Variants in SIX6 observed in about 807,000 individuals in gnomAD.
SIX6 encodes SIX homeobox 6.
A neutral mutation model predicts 23.6 loss-of-function variants in SIX6; 14 were observed. The observed-to-expected ratio is 0.59, with a 90% CI of 0.39 to 0.93. The LOEUF (loss-of-function observed/expected upper bound fraction) is 0.93. Ranked by LOEUF, SIX6 falls within the 40% of genes least tolerant of loss-of-function variation. The pLI, the probability that SIX6 is intolerant of heterozygous loss-of-function variation, is 0.00. For missense variants in SIX6, 307 were observed against 325.6 expected (o/e 0.94, Z 0.44); for synonymous variants, 128 against 144.9 (o/e 0.88, Z 0.84).
chr14:60,510,330 A>G (rs1013605806), intron 1 of SIX6, among the ~76,000 whole-genome samples: 1 of 152,360 alleles, frequency 6.6e-6, no homozygotes, highest in East Asian at 1.9e-4. Context: ...GGCTCCTACT[A>G]TTAATCGAAG....
In SIX6 at chr14:60,509,558, C is replaced by T; in HGVS notation, c.160C>T (p.Leu54=). 1 of 1,611,626 alleles carries T rather than the reference C, an allele frequency of 6.2e-7. No individual in the cohort carries two copies. Residue 54 remains leucine, a synonymous_variant, in exon 1 of 2, where the codon CTA becomes TTA. Coordinates refer to ENST00000327720, the MANE Select transcript of SIX6 (RefSeq NM_007374.3). ...GGCCCTCAACAAGAATGAGTCGGTG[C>T]TACGCGCACGAGCCATCGTGGCCTT... The part of the protein sequence containing the change: ...CEALNKNESV[L]RARAIVAFHG...
chr14:60,511,136 G>A lies in SIX6; in HGVS notation c.625G>A (p.Gly209Ser), dbSNP rs897409621. Residue 209 changes from glycine to serine, a missense_variant, in exon 2 of 2, where the codon GGC becomes AGC. Coordinates refer to ENST00000327720, the MANE Select transcript of SIX6 (RefSeq NM_007374.3). Reference sequence around the variant, plus strand: ...TTCCGGGCGGGCACTACGGGCGGAGGGCGACGGCACGCCAGAGGTGCTGGG... The same window carrying A: ...TTCCGGGCGGGCACTACGGGCGGAGAGCGACGGCACGCCAGAGGTGCTGGG... ...QGSGRALRAE[G>S]DGTPEVLGVA... 1 of 1,612,886 alleles carries A rather than the reference G, an allele frequency of 6.2e-7. No individual in the cohort carries two copies.
rs1893299966 is a variant in SIX6, at chr14:60,511,912, A to G, written c.*660A>G. 6.4e-6 allele frequency: 1 copy of G among 156,132 alleles called. No homozygotes were observed. The highest frequency in any genetic ancestry group is 1.4e-5 in the Non-Finnish European group (1 of 70,392). The allele number at this position is 156,132 out of a possible 1,614,324, so 9.7% of individuals were successfully genotyped here. ...AAATGGTCTCCGGAAGGTCTTACCT[A>G]TATATCTTTTGCCTTCTTTGGTGCT... On this transcript the variant is annotated 3_prime_UTR_variant, in exon 2 of 2. Transcript: ENST00000327720.
At position 60,509,489 on chromosome 14, in the gene SIX6, G is replaced by C. The variant is rs1296136036; in HGVS notation, c.91G>C (p.Gly31Arg). 2.5e-6 allele frequency: 4 copies of C among 1,602,368 alleles called. No homozygotes were observed. The African/African-American group carries it at 5.3e-5, about 21-fold the overall frequency. Residue 31 changes from glycine (G) to arginine (R), a missense_variant, in exon 1 of 2, where the codon GGT becomes CGT. Gly to Arg is a moderately radical substitution (Grantham distance 125, BLOSUM62 -2). Transcript: ENST00000327720. ...AGAGAGCGGCGATGTGGAGCGCCTG[G>C]GTCGCTTCCTCTGGTCGCTGCCCGT... ...LEESGDVERL[G>R]RFLWSLPVAP...
Position 60,509,458 on chromosome 14 carries a change from C to A in SIX6, c.60C>A (p.Thr20=), listed in dbSNP as rs1893256448. 2 of 1,600,072 alleles carry A rather than the reference C, an allele frequency of 1.2e-6. No homozygotes were observed. The highest frequency in any genetic ancestry group is 1.1e-5 in the South Asian group (1 of 91,090). ...AGCAAGTGGCCGGGGTATGTGAGAC[C>A]CTGGAAGAGAGCGGCGATGTGGAGC... The part of the protein sequence containing the change: ...SPQQVAGVCE[T]LEESGDVERL... The change falls in exon 1 of 2, where the codon ACC becomes ACA. Residue 20 remains threonine (T), a synonymous_variant. Transcript: ENST00000327720.
chr14:60,509,825 C>T lies in SIX6; in HGVS notation c.427C>T (p.Leu143=). Residue 143 remains leucine, a synonymous_variant, in exon 1 of 2, where the codon CTA becomes TTA. Coordinates refer to ENST00000327720, the MANE Select transcript of SIX6 (RefSeq NM_007374.3). ...HCFKERTRHL[L]REWYLQDPYP... is the part of the protein sequence containing the mutation. ...CTTCAAGGAGCGCACGCGGCACCTG[C>T]TACGCGAGTGGTACCTGCAGGATCC... 2 of 1,613,922 alleles carry T rather than the reference C, an allele frequency of 1.2e-6. No individual in the cohort carries two copies. The highest frequency in any genetic ancestry group is 3.3e-4 in the Middle Eastern group (2 of 6,062).
chr14:60,510,086 G>C, intron 1 of SIX6, 116 bp downstream of exon 1: 1 of 941,864 alleles, frequency 1.1e-6, no homozygotes, highest in Non-Finnish European at 1.7e-6. Context: ...TTGGGAGCGC[G>C]GTCTGTCTTG....
In SIX6 at chr14:60,509,312, C is replaced by A. The variant is rs1594631053; in HGVS notation, c.-87C>A. 1.7e-6 allele frequency: 2 copies of A among 1,167,624 alleles called. No homozygotes were observed. The highest frequency in any genetic ancestry group is 2.5e-6 in the Non-Finnish European group (2 of 790,060). 72.3% of individuals were successfully genotyped at this position (1,167,624 alleles called of 1,614,324 possible). On this transcript the variant is annotated 5_prime_UTR_variant, in exon 1 of 2. Coordinates refer to ENST00000327720, the MANE Select transcript of SIX6 (RefSeq NM_007374.3). ...TGCCCCAATCCGCCTCATCAACAAG[C>A]GCCTGGCACACTCAGCCAGGCCCGC...
chr14:60,511,315 G>C lies in SIX6; in HGVS notation c.*63G>C, dbSNP rs1893290862. On this transcript the variant is annotated 3_prime_UTR_variant, in exon 2 of 2. Transcript: ENST00000327720. Reference sequence around the variant, plus strand: ...TAAAAACGAGAAAAACAAAATGAAAGAGGGGAAGAAGATGAGAGACCTGCA... The same window carrying C: ...TAAAAACGAGAAAAACAAAATGAAACAGGGGAAGAAGATGAGAGACCTGCA... The C allele has an allele frequency of 6.4e-7, 1 of 1,565,878 alleles. No individual in the cohort carries two copies.
At chr14:60,510,036 C>A in intron 1 of SIX6, 66 bp downstream of exon 1, 1 of 1,388,700 alleles carries the variant, frequency 7.2e-7, no homozygotes, top group Non-Finnish European at 1.0e-6. Flanking sequence ...GCACCTCTGG[C>A]GCCCTTACCC....
intron 1 of SIX6, 110 bp downstream of exon 1, chr14:60,510,080 G>A (rs1490710139): frequency 3.0e-6 from 3 of 992,702 alleles, no homozygotes; most frequent in South Asian, 2.8e-5. Context: ...CAGGAGTTGG[G>A]AGCGCGGTCT....
Position 60,509,486 on chromosome 14 carries a change from C to T in SIX6, c.88C>T (p.Leu30=). 28 of 1,602,144 alleles carry T rather than the reference C, an allele frequency of 1.7e-5. No homozygotes were observed. The highest frequency in any genetic ancestry group is 2.4e-5 in the Non-Finnish European group (28 of 1,179,942). The change falls in exon 1 of 2, where the codon CTG becomes TTG. Residue 30 remains leucine (L), a synonymous_variant. Coordinates refer to ENST00000327720, the MANE Select transcript of SIX6 (RefSeq NM_007374.3). The part of the protein sequence containing the change: ...TLEESGDVER[L]GRFLWSLPVA... Reference sequence around the variant, plus strand: ...GGAAGAGAGCGGCGATGTGGAGCGCCTGGGTCGCTTCCTCTGGTCGCTGCC... The same window carrying T: ...GGAAGAGAGCGGCGATGTGGAGCGCTTGGGTCGCTTCCTCTGGTCGCTGCC...
Position 60,511,463 on chromosome 14 carries a change from G to C in SIX6, c.*211G>C, listed in dbSNP as rs1043508136. The C allele has an allele frequency of 2.5e-5, 16 of 648,300 alleles. No homozygotes were observed. Among genetic ancestry groups the C allele is most frequent in the Non-Finnish European group, 2.8e-5 (10 of 363,012 alleles). The allele number at this position is 648,300 out of a possible 1,614,324, so 40.2% of individuals were successfully genotyped here. A position where few individuals can be genotyped will look rare whatever the true frequency, so the allele number is the denominator to read the frequency against. On this transcript the variant is annotated 3_prime_UTR_variant, in exon 2 of 2. Transcript: ENST00000327720. ...TTGGCCGCGACCACGGGAACCAGCG[G>C]TGAGGCCTGACCCAGCACCACGTTC...
Position 60,512,153 on chromosome 14 carries a change from A to G in SIX6, c.*901A>G, listed in dbSNP as rs769712916. Reference sequence around the variant, plus strand: ...AGTCCCCGCATCCCCAGCACAGGTAATTATGGCTTGTCCACTTGACACTCG... The same window carrying G: ...AGTCCCCGCATCCCCAGCACAGGTAGTTATGGCTTGTCCACTTGACACTCG... On this transcript the variant is annotated 3_prime_UTR_variant, in exon 2 of 2. Coordinates refer to ENST00000327720, the MANE Select transcript of SIX6 (RefSeq NM_007374.3). The G allele has an allele frequency of 1.3e-5, 2 of 152,256 alleles. No individual in the cohort carries two copies. The highest frequency in any genetic ancestry group is 2.4e-5 in the African/African-American group (1 of 41,454). 9.4% of individuals were successfully genotyped at this position (152,256 alleles called of 1,614,324 possible). A position where few individuals can be genotyped will look rare whatever the true frequency, so the allele number is the denominator to read the frequency against.
At position 60,509,915 on chromosome 14, in the gene SIX6, G is replaced by A; in HGVS notation, c.517G>A (p.Gly173Ser). 2 of 1,611,924 alleles carry A rather than the reference G, an allele frequency of 1.2e-6. No individual in the cohort carries two copies. The highest frequency in any genetic ancestry group is 1.7e-6 in the Non-Finnish European group (2 of 1,178,928). ...AACCGGACTGACCCCTACGCAGGTG[G>A]GCAACTGGTTCAAAAACCGCCGACA... ...QATGLTPTQV[G>S]NWFKNRRQRD... Residue 173 changes from glycine to serine, a missense_variant, in exon 1 of 2, where the codon GGC becomes AGC. Physicochemically the swap from Gly to Ser is moderately conservative, Grantham distance 56 (BLOSUM62 0). Coordinates refer to ENST00000327720, the MANE Select transcript of SIX6 (RefSeq NM_007374.3).
chr14:60,510,063 AATT>A (rs1893267615), intron 1 of SIX6, 93 bp downstream of exon 1: 1 of 1,139,314 alleles, frequency 8.8e-7, no homozygotes, highest in Non-Finnish European at 1.3e-6. Context: ...TGGCGACTCC[AATT>A]CAGCAGGAGT....
rs1277078601 is a variant in SIX6, at chr14:60,509,960, G to A, written c.562G>A (p.Ala188Thr). ...NRRQRDRAAA[A>T]KNRLQQQVLS... ...CCGACAAAGGGACCGAGCGGCTGCA[G>A]CCAAGAACAGGTCGGTACCTAGAGG... Residue 188 changes from alanine to threonine, a missense_variant, in exon 1 of 2, where the codon GCC becomes ACC. Coordinates refer to ENST00000327720, the MANE Select transcript of SIX6 (RefSeq NM_007374.3). 6.2e-7 allele frequency: 1 copy of A among 1,603,154 alleles called. No homozygotes were observed. Among genetic ancestry groups the A allele is most frequent in the Non-Finnish European group, 8.5e-7 (1 of 1,174,238 alleles).
Position 60,509,195 on chromosome 14 carries a change from G to C in SIX6, c.-204G>C. The C allele has an allele frequency of 3.4e-6, 2 of 596,198 alleles. No individual in the cohort carries two copies. The highest frequency in any genetic ancestry group is 2.0e-5 in the South Asian group (1 of 50,814). The allele number at this position is 596,198 out of a possible 1,614,324, so 36.9% of individuals were successfully genotyped here. ...GGCGTGCCTGAGCCGAGCCGAGCCC[G>C]AACCCCAAGCCGCGGAGCCAGCACC... On this transcript the variant is annotated 5_prime_UTR_variant, in exon 1 of 2. Coordinates refer to ENST00000327720, the MANE Select transcript of SIX6 (RefSeq NM_007374.3).
Position 60,511,623 on chromosome 14 carries a change from G to T in SIX6, c.*371G>T. Reference sequence around the variant, plus strand: ...ACGCTGTTACATATGTATAACTTTCGCTTTAAAGTTTTTTTTTAACAAAAC... The same window carrying T: ...ACGCTGTTACATATGTATAACTTTCTCTTTAAAGTTTTTTTTTAACAAAAC... On this transcript the variant is annotated 3_prime_UTR_variant, in exon 2 of 2. Transcript: ENST00000327720. 2 of 392,160 alleles carry T rather than the reference G, an allele frequency of 5.1e-6. No individual in the cohort carries two copies. The highest frequency in any genetic ancestry group is 9.6e-6 in the Non-Finnish European group (2 of 208,542). 24.3% of individuals were successfully genotyped at this position (392,160 alleles called of 1,614,324 possible). A position where few individuals can be genotyped will look rare whatever the true frequency, so the allele number is the denominator to read the frequency against.
Sources: gnomAD v4.1 joint callset for allele counts (sites outside exome capture counted in the v4.1 genomes callset) on GRCh38, gnomAD v4.1.1 for gene constraint, MANE v1.5 for transcripts, NCBI Gene and HGNC (gene_info 2026-07-23, HGNC 2026-07-21) for gene names.